CSPP1: variants seen among roughly 807,000 people sequenced by gnomAD.
CSPP1 encodes centrosome and spindle pole-associated protein 1.
A neutral mutation model predicts 164.4 loss-of-function variants in CSPP1; 126 were observed. The ratio of observed to expected loss-of-function variants is 0.77; its 90% CI spans 0.66 to 0.89. The LOEUF is 0.89. Among genes scored for constraint, CSPP1 ranks in the 40% least tolerant of loss-of-function variants. The probability of loss-of-function intolerance (pLI) is 0.00; values close to 1 mark genes in which losing one functional copy is unlikely to be tolerated. For synonymous variants in CSPP1, 472 were observed against 476.7 expected, an observed-to-expected ratio of 0.99 and a Z score of 0.13; for missense variants, 1,395 against 1,449.8, an observed-to-expected ratio of 0.96 and a Z score of 0.61.
chr8:67,183,549 C>T (rs1362189858), intron 28 of CSPP1, among the ~76,000 whole-genome samples: 2 of 152,108 alleles, frequency 1.3e-5, no homozygotes, highest in African/African-American at 4.8e-5. Flanking sequence ...TTCTAAATAA[C>T]GCATAGGTCA....
At chr8:67,081,279 A>G (rs1014757226) in intron 3 of CSPP1, among the ~76,000 whole-genome samples, 15 of 152,088 alleles carry the variant, frequency 9.9e-5, no homozygotes, top group Middle Eastern at 3.4e-3. Context: ...GTCCACTGTG[A>G]ATAATAAAGA....
At chr8:67,137,672 A>T in intron 17 of CSPP1, 69 bp downstream of exon 17, 2 of 1,006,918 alleles carry the variant, frequency 2.0e-6, no homozygotes, top group Non-Finnish European at 2.8e-6. Flanking sequence ...AAGATTGGGG[A>T]GTAGAAAAAA....
At chr8:67,177,590 G>A in intron 26 of CSPP1, 90 bp from the exon 27 acceptor site, 1 of 784,480 alleles carries the variant, frequency 1.3e-6, no homozygotes, top group South Asian at 1.6e-5. Flanking sequence ...TTCCAGTAGA[G>A]AGCTAGTCAA....
In CSPP1 at chr8:67,164,526, G is replaced by A; in HGVS notation, c.2828+18G>A. The A allele has an allele frequency of 8.3e-7, 1 of 1,207,298 alleles. No individual in the cohort carries two copies. Among genetic ancestry groups the A allele is most frequent in the South Asian group, 1.3e-5 (1 of 79,514 alleles). 74.8% of individuals were successfully genotyped at this position (1,207,298 alleles called of 1,614,324 possible). A position where few individuals can be genotyped will look rare whatever the true frequency, so the allele number is the denominator to read the frequency against. ...CCTATCAGGCAAGTTTAGAATTGCA[G>A]TTTTTGTGTTCGCTTGAGTTCTTTT... On this transcript the variant is annotated intron_variant, in intron 24 of 30. Coordinates refer to ENST00000678616, the MANE Select transcript of CSPP1 (RefSeq NM_001382391.1).
intron 28 of CSPP1, among the ~76,000 whole-genome samples, chr8:67,188,992 C>T (rs529557234): frequency 1.1e-4 from 16 of 152,320 alleles, no homozygotes; most frequent in African/African-American, 2.2e-4. Flanking sequence ...ATCTTGGAAG[C>T]GGCCCTCCAC....
chr8:67,165,038 CT>C (rs1183791912), intron 24 of CSPP1, among the ~76,000 whole-genome samples: 2 of 152,150 alleles, frequency 1.3e-5, no homozygotes, highest in African/African-American at 2.4e-5. Flanking sequence ...AATCCCAGCA[CT>C]TTTGGGAGGC....
In CSPP1 at chr8:67,065,533, T is replaced by C. The variant is rs945628409; in HGVS notation, c.-11+995T>C. The C allele has an allele frequency of 1.9e-5, 19 of 981,396 alleles. 1 individual carries two copies. The highest frequency in any genetic ancestry group is 1.6e-4 in the African/African-American group (9 of 57,144). 60.8% of individuals were successfully genotyped at this position (981,396 alleles called of 1,614,324 possible). Reference sequence around the variant, plus strand: ...ATGTTGACAAGCTCCATGGAAGCTATTGAGGTATTTTCTTTTCTCCATATC... The same window carrying C: ...ATGTTGACAAGCTCCATGGAAGCTACTGAGGTATTTTCTTTTCTCCATATC... On this transcript the variant is annotated intron_variant, in intron 1 of 30. Transcript: ENST00000678616.
intron 24 of CSPP1, 118 bp from the exon 25 acceptor site, chr8:67,172,298 G>GGC: frequency 1.4e-6 from 1 of 732,112 alleles, no homozygotes; most frequent in East Asian, 2.6e-5. Flanking sequence ...CTGTCCTAGA[G>GGC]TAATTTTTTA....
At chr8:67,123,905 C>CTT (rs79650746) in intron 15 of CSPP1, among the ~76,000 whole-genome samples, 6 of 124,816 alleles carry the variant, frequency 4.8e-5, no homozygotes, top group East Asian at 4.8e-4. Flanking sequence ...CGGCCAGGCT[C>CTT]TTTTTTTTTT....
At chr8:67,104,508 T>A (rs1286487118) in intron 8 of CSPP1, among the ~76,000 whole-genome samples, 1 of 152,024 alleles carries the variant, frequency 6.6e-6, no homozygotes, top group Non-Finnish European at 1.5e-5. Context: ...CATGGTGGGA[T>A]TACAGGCATG....
At position 67,175,399 on chromosome 8, in the gene CSPP1, GA is replaced by G. The variant is rs1831358925; in HGVS notation, c.3073del (p.Arg1025GlyfsTer2). 6.2e-7 allele frequency: 1 copy of G among 1,614,104 alleles called. No homozygotes were observed. The highest frequency in any genetic ancestry group is 1.3e-5 in the African/African-American group (1 of 74,946). On this transcript the variant is annotated frameshift_variant, in exon 26 of 31. Coordinates refer to ENST00000678616, the MANE Select transcript of CSPP1 (RefSeq NM_001382391.1). LOFTEE classifies it high-confidence loss of function. ...QQALLREQQK[R>X]LNRIKMQEGA... ...AAGCCCTGCTAAGAGAGCAGCAGAA[GA>G]GGCTGAACAGAATAAAAATGCAGGA...
rs1429114238 is a variant in CSPP1, at chr8:67,175,306, A to G, written c.2979A>G (p.Thr993=). The G allele has an allele frequency of 1.2e-6, 2 of 1,609,808 alleles. No individual in the cohort carries two copies. The highest frequency in any genetic ancestry group is 4.5e-5 in the East Asian group (2 of 44,846). The change falls in exon 26 of 31, where the codon ACA becomes ACG. Residue 993 remains threonine (T), a synonymous_variant. Transcript: ENST00000678616. ...FNELKDRDSE[T]RVDLKFMYLD... ...TATTTTTTATACCAGATTCAGAAAC[A>G]CGAGTTGATCTGAAATTTATGTACC...
chr8:67,108,178 T>G (rs1816034320), intron 9 of CSPP1, among the ~76,000 whole-genome samples: 2 of 151,754 alleles, frequency 1.3e-5, no homozygotes. Flanking sequence ...ATCACTTGAT[T>G]GAGCCCAAGA....
intron 28 of CSPP1, among the ~76,000 whole-genome samples, chr8:67,183,240 CAG>C (rs1206544889): frequency 6.6e-6 from 1 of 152,170 alleles, no homozygotes; most frequent in African/African-American, 2.4e-5. Flanking sequence ...CAGAAATGGA[CAG>C]AGACAGAAAA....
rs139841702 is a variant in CSPP1, at chr8:67,123,462, A to G, written c.1697+4641A>G. On this transcript the variant is annotated intron_variant, in intron 15 of 30. Coordinates refer to ENST00000678616, the MANE Select transcript of CSPP1 (RefSeq NM_001382391.1). The stretch of plus-strand genomic sequence containing the variant: ...GATTTTTCGTATTTACTCTCAATTT[A>G]TTTGTCTTTGAATCTAAAAGATGTC... 4.5e-3 allele frequency among the ~76,000 whole-genome samples: 677 copies of G among 152,016 alleles called. 3 individuals carry two copies. The highest frequency in any genetic ancestry group is 0.016 in the African/African-American group (645 of 41,466).
chr8:67,077,938 TA>T (rs1465615706), intron 3 of CSPP1, among the ~76,000 whole-genome samples: 1 of 152,236 alleles, frequency 6.6e-6, no homozygotes, highest in African/African-American at 2.4e-5. Flanking sequence ...TCTTATAAAT[TA>T]TTAATATACA....
At chr8:67,187,707 C>T (rs770485148) in intron 28 of CSPP1, among the ~76,000 whole-genome samples, 1 of 152,028 alleles carries the variant, frequency 6.6e-6, no homozygotes, top group Non-Finnish European at 1.5e-5. Context: ...AATAGACTCA[C>T]GCAAATACAG....
At chr8:67,178,927 T>G (rs768550264) in intron 27 of CSPP1, among the ~76,000 whole-genome samples, 6 of 152,158 alleles carry the variant, frequency 3.9e-5, no homozygotes, top group Non-Finnish European at 8.8e-5. Flanking sequence ...GGTTTTTACT[T>G]GATCCACTGA....
chr8:67,086,961 G>A (rs554911928), intron 4 of CSPP1: 5 of 479,540 alleles, frequency 1.0e-5, no homozygotes, highest in East Asian at 1.4e-4. Flanking sequence ...TTAGGAAAAC[G>A]GGTTCATTTG....
Sources: gnomAD v4.1 joint callset for allele counts (sites outside exome capture counted in the v4.1 genomes callset) on GRCh38, gnomAD v4.1.1 for gene constraint, MANE v1.5 for transcripts, NCBI Gene and HGNC (gene_info 2026-07-23, HGNC 2026-07-21) for gene names.